The following PCDHA6 variants were observed in gnomAD, a reference collection of about 807,000 sequenced individuals.
PCDHA6 encodes protocadherin alpha 6, also known as protocadherin alpha-6.
Under a neutral mutation model 60.3 loss-of-function variants are expected in PCDHA6, and 55 were observed. The observed-to-expected ratio is 0.91, with a 90% CI of 0.73 to 1.14. The LOEUF is 1.14. Among genes scored for constraint, PCDHA6 ranks in the 50% most tolerant of loss-of-function variants. The pLI is 0.00. For missense variants in PCDHA6, 1,327 were observed against 1,256.5 expected (o/e 1.06, Z -0.85); for synonymous variants, 652 against 557.9 (o/e 1.17, Z -2.38).
intron 1 of PCDHA6, among the ~76,000 whole-genome samples, chr5:140,914,813 C>T (rs1346638828): frequency 6.6e-6 from 1 of 152,070 alleles, no homozygotes; most frequent in Non-Finnish European, 1.5e-5. Flanking sequence ...GGCAACTTAA[C>T]AGACTGCATA....
At chr5:140,871,567 A>AT (rs1441824086) in intron 1 of PCDHA6, 49 of 1,482,936 alleles carry the variant, frequency 3.3e-5, no homozygotes, top group Non-Finnish European at 3.9e-5. Flanking sequence ...TTTTTCACGG[A>AT]TTTTTTAAGG....
intron 1 of PCDHA6, among the ~76,000 whole-genome samples, chr5:140,910,282 T>C (rs557559116): frequency 1.3e-5 from 2 of 152,300 alleles, no homozygotes; most frequent in East Asian, 1.9e-4. Context: ...AGGAACACCA[T>C]GATTAATCAA....
At chr5:140,831,563 A>G (rs2150196275) in intron 1 of PCDHA6, among the ~76,000 whole-genome samples, 6 of 126,944 alleles carry the variant, frequency 4.7e-5, no homozygotes, top group Admixed American at 4.6e-4. Context: ...GGGTTTCTCC[A>G]TGTTGCCCAG....
At chr5:140,999,592 C>T (rs1443096475) in intron 3 of PCDHA6, among the ~76,000 whole-genome samples, 2 of 152,114 alleles carry the variant, frequency 1.3e-5, no homozygotes, top group Non-Finnish European at 2.9e-5. Flanking sequence ...ATTGCCTTCC[C>T]TACATCCTGG....
rs1770053880 is a variant in PCDHA6 at position 140,828,966 on chromosome 5, A to G, written c.875A>G (p.His292Arg). Residue 292 changes from histidine to arginine, a missense_variant, in exon 1 of 4, where the codon CAC becomes CGC. Transcript: ENST00000529310. ...CTTGTTGCAGCCATGGTTATTGACC[A>G]CTTTAGCATAGATCGAAATACGGGA... is the stretch of plus-strand genomic sequence containing the variant. ...NSLVAAMVID[H>R]FSIDRNTGEI... 3.1e-6 allele frequency: 5 copies of G among 1,614,098 alleles called. No homozygotes were observed. The highest frequency in any genetic ancestry group is 1.3e-5 in the African/African-American group (1 of 74,950).
intron 3 of PCDHA6, among the ~76,000 whole-genome samples, chr5:140,984,528 T>C (rs1187541000): frequency 7.2e-5 from 11 of 152,216 alleles, no homozygotes; most frequent in African/African-American, 2.4e-4. Flanking sequence ...ACAGTCTTCA[T>C]GGACTGTGCT....
Position 140,829,864 on chromosome 5 carries a change from G to A in PCDHA6, c.1773G>A (p.Val591=). Residue 591 remains valine (V), a synonymous_variant, in exon 1 of 4, where the codon GTG becomes GTA. Transcript: ENST00000529310. ...GGTCACTGGGTGCAGGCCAAGTGGTGGCGAAGGTGCGCGCAGTTGACGCCG... is the reference window on the plus strand; with the variant it reads ...GGTCACTGGGTGCAGGCCAAGTGGTAGCGAAGGTGCGCGCAGTTGACGCCG... ...VPRSLGAGQV[V]AKVRAVDADS... 3 of 1,613,940 alleles carry A rather than the reference G, an allele frequency of 1.9e-6. No homozygotes were observed. The highest frequency in any genetic ancestry group is 2.5e-6 in the Non-Finnish European group (3 of 1,179,892).
intron 1 of PCDHA6, chr5:140,928,175 G>A (rs782432136): frequency 6.8e-6 from 11 of 1,614,032 alleles, no homozygotes; most frequent in African/African-American, 1.3e-5. Flanking sequence ...CTTAGCACCC[G>A]AAGGACAATC....
At chr5:140,956,740 C>T in intron 1 of PCDHA6, among the ~76,000 whole-genome samples, 1 of 152,122 alleles carries the variant, frequency 6.6e-6, no homozygotes, top group East Asian at 1.9e-4. Context: ...CCTCTTTGTA[C>T]CTCTGATAGA....
At chr5:140,911,845 A>G (rs1184698013) in intron 1 of PCDHA6, among the ~76,000 whole-genome samples, 2 of 152,216 alleles carry the variant, frequency 1.3e-5, no homozygotes, top group Non-Finnish European at 2.9e-5. Context: ...AAAGAACTCC[A>G]TCCTTAATAG....
intron 1 of PCDHA6, among the ~76,000 whole-genome samples, chr5:140,839,882 T>G (rs2150166870): frequency 6.6e-6 from 1 of 152,128 alleles, no homozygotes; most frequent in South Asian, 2.1e-4. Context: ...ATGAATAGAA[T>G]TTTGACAGAA....
intron 1 of PCDHA6, chr5:140,849,498 A>G: frequency 6.3e-7 from 1 of 1,593,626 alleles, no homozygotes. Context: ...TGGTCATTGT[A>G]CACTTCTTGT....
chr5:140,871,419 C>A (rs1554165566), intron 1 of PCDHA6: 1 of 1,613,732 alleles, frequency 6.2e-7, no homozygotes. Flanking sequence ...TGGCCTTCAG[C>A]CCCAGTCTTC....
Position 140,830,325 on chromosome 5 carries a change from T to A in PCDHA6, c.2234T>A (p.Val745Glu). Residue 745 changes from valine to glutamate, a missense_variant, in exon 1 of 4, where the codon GTG becomes GAG. Transcript: ENST00000529310. ...CCCACGCTGGTGTGCTCCAGCGCAG[T>A]GGGGAGCTGGTCGTACTCGCAGCAG... ...DKPTLVCSSA[V>E]GSWSYSQQRR... is the part of the protein sequence containing the mutation. 1 of 1,613,570 alleles carries A rather than the reference T, an allele frequency of 6.2e-7. No homozygotes were observed.
rs1459131060 is a variant in PCDHA6 at position 140,876,463 on chromosome 5, G to A, written c.2394+45978G>A. On this transcript the variant is annotated intron_variant, in intron 1 of 3. Transcript: ENST00000529310. ...CATTGATAAAGGGATTCCTTCCATG[G>A]CAGGTCACAGCATGGTCCTGGTGGA... is the stretch of plus-strand genomic sequence containing the variant. 3.7e-6 allele frequency: 6 copies of A among 1,613,896 alleles called. No homozygotes were observed. In the African/African-American group the frequency reaches 6.7e-5, roughly 18 times the overall value.
At chr5:140,863,088 CACG>C (rs782667679) in intron 1 of PCDHA6, 19 of 574,542 alleles carry the variant, frequency 3.3e-5, no homozygotes, top group Admixed American at 1.7e-4. Context: ...GCGAGATCAG[CACG>C]ACGAGTACCC....
chr5:140,884,818 T>C (rs1298208791), intron 1 of PCDHA6: 1 of 1,050,614 alleles, frequency 9.5e-7, no homozygotes, highest in Non-Finnish European at 1.3e-6. Context: ...CTGTGGACAT[T>C]ATGTGTTGGA....
chr5:140,868,978 C>T, intron 1 of PCDHA6: 2 of 1,484,292 alleles, frequency 1.3e-6, no homozygotes, highest in Non-Finnish European at 1.8e-6. Context: ...CTCCATCATA[C>T]CGGATGCCAC....
At chr5:140,877,488 C>T (rs781785108) in intron 1 of PCDHA6, 9 of 1,613,736 alleles carry the variant, frequency 5.6e-6, no homozygotes, top group Admixed American at 5.0e-5. Flanking sequence ...TGGTGGAGAA[C>T]GGCCAGGCCC....
Sources: gnomAD v4.1 joint callset for allele counts (sites outside exome capture counted in the v4.1 genomes callset) on GRCh38, gnomAD v4.1.1 for gene constraint, MANE v1.5 for transcripts, NCBI Gene and HGNC (gene_info 2026-07-23, HGNC 2026-07-21) for gene names.